The following SYPL1 variants were observed in gnomAD, a reference collection of about 807,000 sequenced individuals.
SYPL1 encodes the protein synaptophysin like 1.
SYPL1 carries 6 observed loss-of-function variants against 23.7 expected under a neutral mutation model. The ratio of observed to expected loss-of-function variants is 0.25; its 90% confidence interval spans 0.14 to 0.50. The LOEUF (loss-of-function observed/expected upper bound fraction) is 0.50, where lower values mean the gene tolerates loss of function less well. SYPL1 is among the 20% of genes least tolerant of loss of function. The pLI is 0.98. For missense variants in SYPL1, 253 were observed against 288.9 expected (o/e 0.88, Z 0.90); for synonymous variants, 102 against 104.5 (o/e 0.98, Z 0.15).
Position 106,091,813 on chromosome 7 carries a change from C to T in SYPL1, c.718G>A (p.Gly240Arg), listed in dbSNP as rs773642336. The T allele has an allele frequency of 4.1e-5, 66 of 1,610,666 alleles. No homozygotes were observed. The highest frequency in any genetic ancestry group is 8.9e-5 in the East Asian group (4 of 44,812). ...TGTATTTCTCCCTTTAATTATATTC[C>T]GGTAGGAGGTGGAATACCTCCTTGG... ...HSQGGIPPPTGI is the reference protein window; with the variant it reads ...HSQGGIPPPTRI Residue 240 changes from glycine (G) to arginine (R), a missense_variant, in exon 5 of 5, where the codon GGA (glycine) becomes AGA (arginine). By Grantham distance (125) the Gly-to-Arg change is moderately radical (BLOSUM62 -2). Transcript: ENST00000455385. This position sits in a 1 kb window ranked among gnomAD's most constrained non-coding sequence, Gnocchi z 5.0.
chr7:106,102,411 T>G (rs918460489), intron 1 of SYPL1, among the ~76,000 whole-genome samples: 9 of 152,222 alleles, frequency 5.9e-5, no homozygotes, highest in Non-Finnish European at 1.3e-4. Context: ...TTGCAACTTC[T>G]GTCTTCCTTT....
chr7:106,096,176 G>A lies in SYPL1; in HGVS notation c.402+1514C>T, dbSNP rs1194264789. 2 of 151,936 alleles carry A rather than the reference G, an allele frequency of 1.3e-5. No individual in the cohort carries two copies. The highest frequency in any genetic ancestry group is 4.8e-5 in the African/African-American group (2 of 41,374). 9.4% of individuals were successfully genotyped at this position (151,936 alleles called of 1,614,324 possible). A position where few individuals can be genotyped will look rare whatever the true frequency, so the allele number is the denominator to read the frequency against. ...AGCACTGCAAATTAAAACAGTTGAC[G>A]TCTTATCTTTTTAACAACCGAGAAG... On this transcript the variant is annotated intron_variant, in intron 3 of 4. Coordinates refer to ENST00000455385, the MANE Select transcript of SYPL1 (RefSeq NM_182715.4). This position sits in a 1 kb window ranked among gnomAD's most constrained non-coding sequence, Gnocchi z 4.4.
intron 1 of SYPL1, among the ~76,000 whole-genome samples, chr7:106,106,168 T>C (rs1840587144): frequency 6.6e-6 from 1 of 152,184 alleles, no homozygotes; most frequent in Non-Finnish European, 1.5e-5. Flanking sequence ...CTTAAGATAC[T>C]AACTGACATA....
At chr7:106,093,259 T>G in intron 3 of SYPL1, 122 bp from the exon 4 acceptor site, 2 of 888,054 alleles carry the variant, frequency 2.3e-6, no homozygotes, top group Non-Finnish European at 3.2e-6. Flanking sequence ...GCCTTCATGA[T>G]ATACTTTATT....
At position 106,096,196 on chromosome 7, in the gene SYPL1, GAGA is replaced by G. The variant is rs1840010640; in HGVS notation, c.402+1491_402+1493del. ...TTGACGTCTTATCTTTTTAACAACCGAGAAGTATTTTATGAAAACCTCTAGTTT... is the reference window on the plus strand; with the variant it reads ...TTGACGTCTTATCTTTTTAACAACCGAGTATTTTATGAAAACCTCTAGTTT... On this transcript the variant is annotated intron_variant, in intron 3 of 4. Transcript: ENST00000455385. This position sits in a 1 kb window ranked among gnomAD's most constrained non-coding sequence, Gnocchi z 4.4. 2.0e-5 allele frequency: 3 copies of G among 152,048 alleles called. No homozygotes were observed. The South Asian group carries it at 6.3e-4, about 32-fold the overall frequency. 9.4% of individuals were successfully genotyped at this position (152,048 alleles called of 1,614,324 possible).
chr7:106,112,251 G>A lies in SYPL1; in HGVS notation c.-43C>T, dbSNP rs1255384163. On this transcript the variant is annotated 5_prime_UTR_variant, in exon 1 of 5. Transcript: ENST00000455385. ...GAGAGAGAGTCAGGACGACGGGGCG[G>A]AGGAGGGGACCGACGAGACCAGAGC... 2.3e-5 allele frequency: 35 copies of A among 1,516,404 alleles called. No homozygotes were observed. The highest frequency in any genetic ancestry group is 3.1e-5 in the Non-Finnish European group (35 of 1,122,260). 93.9% of individuals were successfully genotyped at this position (1,516,404 alleles called of 1,614,324 possible).
intron 3 of SYPL1, 178 bp from the exon 4 acceptor site, chr7:106,093,315 C>A: frequency 1.8e-6 from 1 of 557,026 alleles, no homozygotes; most frequent in Non-Finnish European, 3.0e-6. Flanking sequence ...GTGTTACAAG[C>A]ACAGTGCCTG....
intron 4 of SYPL1, 111 bp downstream of exon 4, chr7:106,092,838 G>A: frequency 3.2e-6 from 3 of 927,372 alleles, no homozygotes; most frequent in South Asian, 2.0e-5. Context: ...TCAGGTAGCT[G>A]AGTAAAAATA....
intron 1 of SYPL1, among the ~76,000 whole-genome samples, chr7:106,102,484 A>T (rs1274974827): frequency 6.6e-6 from 1 of 152,218 alleles, no homozygotes; most frequent in Non-Finnish European, 1.5e-5. Flanking sequence ...GAGGATACTC[A>T]GGCAACTTTT....
chr7:106,112,152 C>T lies in SYPL1; in HGVS notation c.57G>A (p.Lys19=), dbSNP rs1403198343. 2.0e-6 allele frequency: 3 copies of T among 1,537,374 alleles called. No individual in the cohort carries two copies. The highest frequency in any genetic ancestry group is 2.5e-5 in the East Asian group (1 of 39,322). Residue 19 remains lysine (K), a synonymous_variant, in exon 1 of 5, where the codon AAG becomes AAA. Coordinates refer to ENST00000455385, the MANE Select transcript of SYPL1 (RefSeq NM_182715.4). ...GGGCTGCACTCACCCACTCGAGGAC[C>T]TTGATGAAGCCGAGTGGCTCCTTGA... The part of the protein sequence containing the change: ...NPLKEPLGFI[K]VLEWIASIFA...
rs1465709288 is a variant in SYPL1 at position 106,095,840 on chromosome 7, C to T, written c.402+1850G>A. ...TTCTGAGGTGGAAAATTACTTTTTA[C>T]GTTTCTGAATGATGCAACTAGGTCA... On this transcript the variant is annotated intron_variant, in intron 3 of 4. Transcript: ENST00000455385. The surrounding 1 kb of genome is among the most constrained non-coding windows in gnomAD (Gnocchi z 4.3). Among the ~76,000 whole-genome samples the T allele has an allele frequency of 1.3e-5, 2 of 152,082 alleles. No homozygotes were observed. Among genetic ancestry groups the T allele is most frequent in the East Asian group, 1.9e-4 (1 of 5,196 alleles).
chr7:106,092,709 A>C, intron 4 of SYPL1: 1 of 588,158 alleles, frequency 1.7e-6, no homozygotes, highest in East Asian at 3.4e-5. Context: ...ATCTTCCCAG[A>C]TATAAATCTG....
In SYPL1 at chr7:106,111,602, C is replaced by T. The variant is rs186810628; in HGVS notation, c.69+538G>A. Among the ~76,000 whole-genome samples, 21 of 152,336 alleles carry T rather than the reference C, an allele frequency of 1.4e-4. No individual in the cohort carries two copies. In the East Asian group the frequency reaches 4.1e-3, roughly 29 times the overall value. ...GACTTTCTTTAGTTTCCCTGGCCCA[C>T]AGTTTATTTTTTTACTATTTTTAAC... On this transcript the variant is annotated intron_variant, in intron 1 of 4. Coordinates refer to ENST00000455385, the MANE Select transcript of SYPL1 (RefSeq NM_182715.4).
rs763490400 is a variant in SYPL1, at chr7:106,103,874, AT to A, written c.70-4593del. Among the ~76,000 whole-genome samples the A allele has an allele frequency of 4.6e-5, 7 of 152,294 alleles. No homozygotes were observed. In the East Asian group the frequency reaches 9.7e-4, roughly 21 times the overall value. On this transcript the variant is annotated intron_variant, in intron 1 of 4. Coordinates refer to ENST00000455385, the MANE Select transcript of SYPL1 (RefSeq NM_182715.4). ...GATCATGTCCTTCCCATTTAAAGGA[AT>A]TTCCTCAATTGTTTTTCAACCTAAA...
At chr7:106,105,488 A>G (rs547412441) in intron 1 of SYPL1, among the ~76,000 whole-genome samples, 6 of 148,538 alleles carry the variant, frequency 4.0e-5, no homozygotes, top group African/African-American at 1.5e-4. Flanking sequence ...AAACAGTCCC[A>G]CTTACTTCTC....
At chr7:106,092,714 A>C (rs1839803690) in intron 4 of SYPL1, 1 of 613,612 alleles carries the variant, frequency 1.6e-6, no homozygotes, top group East Asian at 3.2e-5. Context: ...CCCAGATATA[A>C]ATCTGACTAG....
Position 106,093,114 on chromosome 7 carries a change from G to A in SYPL1, c.426C>T (p.Ala142=), listed in dbSNP as rs1839836719. The A allele has an allele frequency of 1.2e-6, 2 of 1,606,578 alleles. No homozygotes were observed. Among genetic ancestry groups the A allele is most frequent in the South Asian group, 2.2e-5 (2 of 89,156 alleles). The part of the protein sequence containing the change: ...PMIDFVVTLV[A]TFLWLVSTSA... ...AAGTGCTCACCAACCACAAAAAAGT[G>A]GCAACAAGTGTAACAACAAAGTCCT... The change falls in exon 4 of 5, where the codon GCC becomes GCT. Residue 142 remains alanine, a synonymous_variant. Transcript: ENST00000455385.
At chr7:106,110,455 G>A (rs1204276422) in intron 1 of SYPL1, among the ~76,000 whole-genome samples, 1 of 152,024 alleles carries the variant, frequency 6.6e-6, no homozygotes, top group African/African-American at 2.4e-5. Context: ...TTTATTACAT[G>A]GCATTTTTGT....
At chr7:106,111,266 C>T (rs1585946342) in intron 1 of SYPL1, among the ~76,000 whole-genome samples, 3 of 152,102 alleles carry the variant, frequency 2.0e-5, no homozygotes, top group African/African-American at 7.2e-5. Context: ...AGGAAAAGGG[C>T]GAAAAAGCTA....
Sources: gnomAD v4.1 joint callset for allele counts (sites outside exome capture counted in the v4.1 genomes callset) on GRCh38, gnomAD v4.1.1 for gene constraint, Gnocchi (gnomAD v3.1) non-coding constraint, MANE v1.5 for transcripts, NCBI Gene and HGNC (gene_info 2026-07-23, HGNC 2026-07-21) for gene names.